The following BRD1 variants were observed in gnomAD, a reference collection of about 807,000 sequenced individuals.
The protein encoded by BRD1 is bromodomain-containing protein 1.
In BRD1, 24 loss-of-function variants were observed where a neutral mutation model predicts 107.7. The ratio of observed to expected loss-of-function variants is 0.22; its 90% CI spans 0.16 to 0.31. BRD1 has a LOEUF of 0.31. Ranked by LOEUF, BRD1 falls within the 10% of genes least tolerant of loss-of-function variation. The probability of loss-of-function intolerance (pLI) is 1.00; values close to 1 mark genes in which losing one functional copy is unlikely to be tolerated. For synonymous variants in BRD1, 744 were observed against 686.1 expected, an observed-to-expected ratio of 1.08 and a Z score of -1.32; for missense variants, 1,279 against 1,638.6, an observed-to-expected ratio of 0.78 and a Z score of 3.79.
At chr22:49,793,998 C>A in intron 7 of BRD1, 36 bp downstream of exon 7, 1 of 1,588,500 alleles carries the variant, frequency 6.3e-7, no homozygotes, top group Non-Finnish European at 8.6e-7. Context: ...TGAGCCGTGA[C>A]GGCAAGAAAG....
At chr22:49,798,211 C>A in intron 5 of BRD1, 94 bp from the exon 6 acceptor site, 1 of 1,277,250 alleles carries the variant, frequency 7.8e-7, no homozygotes, top group Admixed American at 2.1e-5. Flanking sequence ...CAAGCCCATC[C>A]TATCTGAGAG....
Position 49,777,016 on chromosome 22 carries a change from C to T in BRD1, c.3121+18G>A. 6.2e-7 allele frequency: 1 copy of T among 1,612,722 alleles called. No homozygotes were observed. ...CAGGAGGTGTGGAGAGCCATGGAGGCAGGTCCGGGCGACTCACCGGCTGCG... is the reference window on the plus strand; with the variant it reads ...CAGGAGGTGTGGAGAGCCATGGAGGTAGGTCCGGGCGACTCACCGGCTGCG... On this transcript the variant is annotated intron_variant, in intron 10 of 12. Transcript: ENST00000404760.
chr22:49,822,542 T>C (rs2060086252), intron 2 of BRD1, among the ~76,000 whole-genome samples: 1 of 151,114 alleles, frequency 6.6e-6, no homozygotes, highest in African/African-American at 2.4e-5. Flanking sequence ...ACCCCGTCTC[T>C]ACTTAAAAAA....
At chr22:49,775,335 G>A (rs1011838571) in intron 12 of BRD1, 2 of 301,288 alleles carry the variant, frequency 6.6e-6, no homozygotes, top group African/African-American at 4.3e-5. Flanking sequence ...CCAGACCAAT[G>A]GGGCTCAGGC....
At chr22:49,814,039 T>C (rs1206860619) in intron 2 of BRD1, among the ~76,000 whole-genome samples, 1 of 152,016 alleles carries the variant, frequency 6.6e-6, no homozygotes, top group Non-Finnish European at 1.5e-5. Context: ...CTTTACACAC[T>C]GACGGGTGCA....
intron 6 of BRD1, among the ~76,000 whole-genome samples, chr22:49,795,109 TAGAGAG>T (rs1385536447): frequency 6.6e-6 from 1 of 152,156 alleles, no homozygotes; most frequent in Non-Finnish European, 1.5e-5. Context: ...AATAAAGTAG[TAGAGAG>T]AAACAAATCA....
Position 49,787,756 on chromosome 22 carries a change from C to G in BRD1, c.2491G>C (p.Val831Leu). Reference protein sequence around the residue: ...NPEQSKLFKRVTFDNESHSAC... With the variant: ...NPEQSKLFKRLTFDNESHSAC... ...CTATGTGATTCATTATCAAATGTGA[C>G]TCTTTTGAAAAGTTTACTCTGCTCT... Residue 831 changes from valine to leucine, a missense_variant, in exon 8 of 13, where the codon GTC (valine) becomes CTC (leucine). Transcript: ENST00000404760. 6.4e-7 allele frequency: 1 copy of G among 1,550,890 alleles called. No homozygotes were observed. The highest frequency in any genetic ancestry group is 8.7e-7 in the Non-Finnish European group (1 of 1,147,074).
intron 2 of BRD1, among the ~76,000 whole-genome samples, chr22:49,805,167 A>C (rs956300626): frequency 6.6e-5 from 10 of 152,230 alleles, no homozygotes; most frequent in African/African-American, 2.4e-4. Flanking sequence ...GACATCAGTC[A>C]TCTTCAAGTC....
At position 49,823,880 on chromosome 22, in the gene BRD1, C is replaced by A; in HGVS notation, c.438G>T (p.Ser146=). Residue 146 remains serine (S), a synonymous_variant, in exon 2 of 13, where the codon TCG becomes TCT. Transcript: ENST00000404760. ...CCACCTCGTTGTCCAGTTCCTCGGCCGACTTCTCGATGAACTTGTAGTACA... is the reference window on the plus strand; with the variant it reads ...CCACCTCGTTGTCCAGTTCCTCGGCAGACTTCTCGATGAACTTGTAGTACA... ...PPVYYKFIEK[S]AEELDNEVEY... The A allele has an allele frequency of 6.2e-7, 1 of 1,614,208 alleles. No homozygotes were observed. Among genetic ancestry groups the A allele is most frequent in the Non-Finnish European group, 8.5e-7 (1 of 1,180,044 alleles).
chr22:49,776,247 G>A, intron 10 of BRD1, 88 bp from the exon 11 acceptor site: 4 of 1,192,388 alleles, frequency 3.4e-6, no homozygotes, highest in Non-Finnish European at 4.8e-6. Context: ...CAACAGGGTG[G>A]GTCCCCCGAG....
At chr22:49,805,468 T>G (rs1291311308) in intron 2 of BRD1, 1 of 152,318 alleles carries the variant, frequency 6.6e-6, no homozygotes, top group Non-Finnish European at 1.5e-5. Context: ...GCAGTCTGCA[T>G]GCTCAGGACA....
chr22:49,774,289 T>G lies in BRD1; in HGVS notation c.3514A>C (p.Asn1172His). Reference sequence around the variant, plus strand: ...TCCCCGTGGACGCGGCTCAGGTGGTTCATGGCGCGGTCAAAAGCGATCCGC... The same window carrying G: ...TCCCCGTGGACGCGGCTCAGGTGGTGCATGGCGCGGTCAAAAGCGATCCGC... Reference protein sequence around the residue: ...AVRIAFDRAMNHLSRVHGEPT... With the variant: ...AVRIAFDRAMHHLSRVHGEPT... Residue 1172 changes from asparagine to histidine, a missense_variant, in exon 13 of 13, where the codon AAC becomes CAC. Asn to His is a moderately conservative substitution (Grantham distance 68). Around this residue, in one of 7 missense-constraint regions of BRD1, gnomAD observed 136 missense variants for 196.8 expected, o/e 0.69. Coordinates refer to ENST00000404760, the MANE Select transcript of BRD1 (RefSeq NM_001304808.3). 6.2e-7 allele frequency: 1 copy of G among 1,614,236 alleles called. No homozygotes were observed. The highest frequency in any genetic ancestry group is 8.5e-7 in the Non-Finnish European group (1 of 1,180,030).
intron 2 of BRD1, chr22:49,805,994 G>A (rs987941326): frequency 7.9e-5 from 12 of 151,922 alleles, no homozygotes; most frequent in African/African-American, 2.4e-4. Context: ...TGTCCACCTC[G>A]GCGTCCCAAG....
In BRD1 at chr22:49,812,103, C is replaced by T. The variant is rs73891111; in HGVS notation, c.1368-7743G>A. 7.7e-5 allele frequency among the ~76,000 whole-genome samples: 10 copies of T among 129,522 alleles called. 1 individual carries two copies. Among genetic ancestry groups the T allele is most frequent in the African/African-American group, 3.6e-4 (9 of 25,260 alleles). 85.0% of individuals were successfully genotyped at this position (129,522 alleles called of 152,430 possible). On this transcript the variant is annotated intron_variant, in intron 2 of 12. Coordinates refer to ENST00000404760, the MANE Select transcript of BRD1 (RefSeq NM_001304808.3). Reference sequence around the variant, plus strand: ...CCTATGGCAAGGAGCACAGTCTGCTCCTTTTTTTTTTTTTTTTTTTGAGAC... The same window carrying T: ...CCTATGGCAAGGAGCACAGTCTGCTTCTTTTTTTTTTTTTTTTTTTGAGAC...
chr22:49,794,390 C>A, intron 6 of BRD1, 96 bp from the exon 7 acceptor site: 1 of 1,489,566 alleles, frequency 6.7e-7, no homozygotes, highest in Non-Finnish European at 9.0e-7. Flanking sequence ...TCGGCCAAGG[C>A]CCTGAGAGTG....
chr22:49,812,441 C>A (rs1350763165), intron 2 of BRD1, among the ~76,000 whole-genome samples: 2 of 152,174 alleles, frequency 1.3e-5, no homozygotes, highest in Non-Finnish European at 2.9e-5. Flanking sequence ...AGTCGTGGCA[C>A]ATGCCTATAA....
At chr22:49,786,651 C>T (rs962267207) in intron 8 of BRD1, among the ~76,000 whole-genome samples, 1 of 152,120 alleles carries the variant, frequency 6.6e-6, no homozygotes, top group Admixed American at 6.6e-5. Context: ...CAGGCTCAAC[C>T]CCAGGTCCTA....
In BRD1 at chr22:49,787,307, C is replaced by A. The variant is rs536476651; in HGVS notation, c.2857+83G>T. The A allele has an allele frequency of 3.5e-4, 366 of 1,042,198 alleles. 60 individuals are homozygous for A. Among genetic ancestry groups the A allele is most frequent in the Non-Finnish European group, 3.8e-4 (292 of 763,110 alleles). 64.6% of individuals were successfully genotyped at this position (1,042,198 alleles called of 1,614,324 possible). ...AAAAACAGAAGCTGGACACCCCCCCCCCCCCGTCACACCAATGATCCTGAA... is the reference window on the plus strand; with the variant it reads ...AAAAACAGAAGCTGGACACCCCCCCACCCCCGTCACACCAATGATCCTGAA... On this transcript the variant is annotated intron_variant, in intron 8 of 12. Coordinates refer to ENST00000404760, the MANE Select transcript of BRD1 (RefSeq NM_001304808.3).
At chr22:49,779,886 C>T (rs573290397) in intron 8 of BRD1, among the ~76,000 whole-genome samples, 3 of 152,244 alleles carry the variant, frequency 2.0e-5, no homozygotes, top group South Asian at 2.1e-4. Context: ...CCCACAGGCC[C>T]GGAGAGGGGT....
Sources: allele counts gnomAD v4.1 joint callset (sites outside exome capture counted in the v4.1 genomes callset), GRCh38; gene constraint gnomAD v4.1.1; regional missense constraint gnomAD v4.1.1; transcripts MANE v1.5; gene names NCBI Gene and HGNC (gene_info 2026-07-23, HGNC 2026-07-21).